Variants in CHST8 observed in about 807,000 individuals in gnomAD.
CHST8 encodes carbohydrate sulfotransferase 8.
CHST8 carries 10 observed loss-of-function variants against 15.0 expected under a neutral mutation model. The observed-to-expected ratio is 0.67, with a 90% CI of 0.41 to 1.13. The LOEUF is 1.13. Among genes scored for constraint, CHST8 ranks in the 50% most tolerant of loss-of-function variants. CHST8 has a pLI of 0.00. For synonymous variants in CHST8, 259 were observed against 256.6 expected (o/e 1.01, Z -0.09); for missense variants, 634 against 608.2 (o/e 1.04, Z -0.45).
intron 2 of CHST8, among the ~76,000 whole-genome samples, chr19:33,677,159 AGG>A (rs11331472): frequency 4.0e-5 from 6 of 151,234 alleles, no homozygotes; most frequent in Middle Eastern, 3.4e-3. Context: ...ATCAGCCGGC[AGG>A]GGGGGGCACT....
intron 3 of CHST8, among the ~76,000 whole-genome samples, chr19:33,741,958 C>G (rs1357354099): frequency 6.6e-6 from 1 of 152,052 alleles, no homozygotes; most frequent in Non-Finnish European, 1.5e-5. Flanking sequence ...CAACATGAGC[C>G]AGGCTTGGGT....
At chr19:33,701,897 G>C (rs1973344237) in intron 3 of CHST8, among the ~76,000 whole-genome samples, 2 of 152,174 alleles carry the variant, frequency 1.3e-5, no homozygotes, top group African/African-American at 4.8e-5. Context: ...TTTGACCCCA[G>C]ATCTGCCTGA....
At chr19:33,625,023 C>T (rs888836097) in intron 1 of CHST8, among the ~76,000 whole-genome samples, 2 of 151,982 alleles carry the variant, frequency 1.3e-5, no homozygotes, top group African/African-American at 4.8e-5. Context: ...ACTGGAGAAA[C>T]GTGGGGCAGC....
intron 3 of CHST8, among the ~76,000 whole-genome samples, chr19:33,702,686 G>A (rs1416678335): frequency 6.6e-6 from 1 of 152,202 alleles, no homozygotes; most frequent in East Asian, 1.9e-4. Context: ...GTTCCCCAGA[G>A]GACCCCCGAG....
chr19:33,671,477 G>A (rs1236708763), intron 2 of CHST8, among the ~76,000 whole-genome samples: 1 of 152,178 alleles, frequency 6.6e-6, no homozygotes, highest in Non-Finnish European at 1.5e-5. Context: ...CTCATTCAGA[G>A]TCAAAGCCAA....
At chr19:33,659,646 A>C (rs2145220058) in intron 1 of CHST8, among the ~76,000 whole-genome samples, 1 of 152,026 alleles carries the variant, frequency 6.6e-6, no homozygotes, top group South Asian at 2.1e-4. Flanking sequence ...TTGTCTCTAC[A>C]AAAAAATTAA....
At chr19:33,717,180 G>T (rs1458911418) in intron 3 of CHST8, among the ~76,000 whole-genome samples, 2 of 152,198 alleles carry the variant, frequency 1.3e-5, no homozygotes, top group African/African-American at 4.8e-5. Context: ...ACATGCTCTG[G>T]CTGGGTGAGG....
chr19:33,676,020 T>TCCA (rs778907922), intron 2 of CHST8, among the ~76,000 whole-genome samples: 38 of 151,824 alleles, frequency 2.5e-4, no homozygotes, highest in Non-Finnish European at 4.4e-4. Context: ...TGGCCTGAGG[T>TCCA]CCACCCATTG....
At chr19:33,739,610 A>G (rs1035443009) in intron 3 of CHST8, among the ~76,000 whole-genome samples, 2 of 152,194 alleles carry the variant, frequency 1.3e-5, no homozygotes, top group African/African-American at 4.8e-5. Flanking sequence ...GATATTTGTG[A>G]ATGCGTGGAT....
intron 1 of CHST8, among the ~76,000 whole-genome samples, chr19:33,658,820 A>G (rs968981318): frequency 2.2e-4 from 33 of 151,962 alleles, no homozygotes; most frequent in Non-Finnish European, 1.5e-4. Flanking sequence ...TTCTACCAGA[A>G]CCCTGTTCTC....
Position 33,689,255 on chromosome 19 carries a change from G to A in CHST8, c.-7G>A. On this transcript the variant is annotated 5_prime_UTR_variant, in exon 3 of 5. Coordinates refer to ENST00000650847, the MANE Select transcript of CHST8 (RefSeq NM_001127895.2). ...CACCCAAGAGGTGACCCCTGAGCCA[G>A]CCCCGGATGACCCTGCGACCTGGAA... 1 of 1,573,212 alleles carries A rather than the reference G, an allele frequency of 6.4e-7. No homozygotes were observed. The highest frequency in any genetic ancestry group is 8.6e-7 in the Non-Finnish European group (1 of 1,160,404).
At chr19:33,702,277 C>A (rs553654588) in intron 3 of CHST8, among the ~76,000 whole-genome samples, 2 of 152,162 alleles carry the variant, frequency 1.3e-5, no homozygotes, top group African/African-American at 4.8e-5. Context: ...TGAGCCACCA[C>A]ACCCGGCCTA....
intron 1 of CHST8, among the ~76,000 whole-genome samples, chr19:33,666,621 G>A (rs1972664965): frequency 6.6e-6 from 1 of 152,182 alleles, no homozygotes; most frequent in Admixed American, 6.5e-5. Flanking sequence ...TTGATGGCAT[G>A]ACCAGTGGAA....
rs747447862 is a variant in CHST8, at chr19:33,772,196, G to A, written c.408G>A (p.Arg136=). Residue 136 remains arginine (R), a synonymous_variant, in exon 5 of 5, where the codon CGG becomes CGA. Transcript: ENST00000650847. The part of the protein sequence containing the change: ...PANSSDAPFI[R]PGPGTLDGRW... The stretch of plus-strand genomic sequence containing the variant: ...ACAGCTCGGACGCGCCCTTCATCCG[G>A]CCGGGACCCGGGACGCTGGATGGCC... 2 of 1,594,532 alleles carry A rather than the reference G, an allele frequency of 1.3e-6. No individual in the cohort carries two copies.
chr19:33,642,488 T>C (rs1489350181), intron 1 of CHST8, among the ~76,000 whole-genome samples: 1 of 152,006 alleles, frequency 6.6e-6, no homozygotes, highest in Non-Finnish European at 1.5e-5. Flanking sequence ...TCAGCCTCCC[T>C]AGTAGCTGGG....
rs200371985 is a variant in CHST8 at position 33,772,596 on chromosome 19, G to A, written c.808G>A (p.Asp270Asn). The A allele has an allele frequency of 6.2e-7, 1 of 1,614,028 alleles. No homozygotes were observed. Among genetic ancestry groups the A allele is most frequent in the South Asian group, 1.1e-5 (1 of 91,080 alleles). ...PFERLVSAFR[D>N]KFEHPNSYYH... ...CGAGAGGCTGGTGTCCGCCTTCCGC[G>A]ACAAGTTTGAGCACCCCAACAGCTA... Residue 270 changes from aspartate (D) to asparagine (N), a missense_variant, in exon 5 of 5, where the codon GAC (aspartate) becomes AAC (asparagine). Asp to Asn is a conservative substitution (Grantham distance 23). Coordinates refer to ENST00000650847, the MANE Select transcript of CHST8 (RefSeq NM_001127895.2).
intron 1 of CHST8, among the ~76,000 whole-genome samples, chr19:33,657,244 T>C (rs1033150298): frequency 4.0e-5 from 6 of 150,812 alleles, no homozygotes; most frequent in Admixed American, 2.7e-4. Flanking sequence ...CACACACATA[T>C]ATATATACAC....
chr19:33,628,464 C>T (rs1021000225), intron 1 of CHST8, among the ~76,000 whole-genome samples: 10 of 152,218 alleles, frequency 6.6e-5, no homozygotes, highest in African/African-American at 2.2e-4. Flanking sequence ...TGGGCTTCCC[C>T]TCAGACATTG....
At chr19:33,655,857 A>G (rs867779207) in intron 1 of CHST8, among the ~76,000 whole-genome samples, 42 of 152,048 alleles carry the variant, frequency 2.8e-4, no homozygotes, top group African/African-American at 9.9e-4. Flanking sequence ...TTATTTATTC[A>G]TCCTGCTGTT....
Sources: allele counts gnomAD v4.1 joint callset (sites outside exome capture counted in the v4.1 genomes callset), GRCh38; gene constraint gnomAD v4.1.1; transcripts MANE v1.5; gene names NCBI Gene and HGNC (gene_info 2026-07-23, HGNC 2026-07-21).